THSD7A: variants seen among roughly 807,000 people sequenced by gnomAD.
The protein encoded by THSD7A is thrombospondin type-1 domain-containing protein 7A.
THSD7A carries 96 observed loss-of-function variants against 231.3 expected under a neutral mutation model. The ratio of observed to expected loss-of-function variants is 0.41; its 90% confidence interval spans 0.35 to 0.49. The LOEUF (loss-of-function observed/expected upper bound fraction) is 0.49. Ranked by LOEUF, THSD7A falls within the 20% of genes least tolerant of loss-of-function variation. The pLI, the probability that THSD7A is intolerant of heterozygous loss-of-function variation, is 0.05. For synonymous variants in THSD7A, 940 were observed against 743.3 expected (o/e 1.26, Z -4.30); for missense variants, 2,290 against 2,070.2 (o/e 1.11, Z -2.06).
In THSD7A at chr7:11,446,280, G is replaced by T; in HGVS notation, c.2845C>A (p.Pro949Thr). 2 of 1,612,564 alleles carry T rather than the reference G, an allele frequency of 1.2e-6. No homozygotes were observed. Among genetic ancestry groups the T allele is most frequent in the Non-Finnish European group, 1.7e-6 (2 of 1,179,146 alleles). ...GGACAATACTGAGTCTCAATCAGGG[G>T]ATACAAATGGGAATTTTTACATTTT... The part of the protein sequence containing the change: ...KEKCKNSHLY[P>T]LIETQYCPCD... Residue 949 changes from proline (P) to threonine (T), a missense_variant, in exon 13 of 28, where the codon CCC becomes ACC. Transcript: ENST00000423059. This position sits in a 1 kb window ranked among gnomAD's most constrained non-coding sequence, Gnocchi z 4.0.
chr7:11,686,805 G>A (rs1780072317), intron 1 of THSD7A, among the ~76,000 whole-genome samples: 1 of 151,740 alleles, frequency 6.6e-6, no homozygotes, highest in African/African-American at 2.4e-5. Context: ...CATAAAGATG[G>A]CAACAATAAA....
intron 1 of THSD7A, chr7:11,821,298 T>C: frequency 1.1e-6 from 1 of 878,946 alleles, no homozygotes; most frequent in Non-Finnish European, 1.9e-6. Context: ...GAAACTCCTA[T>C]TGGAAACCAA....
intron 13 of THSD7A, among the ~76,000 whole-genome samples, chr7:11,436,709 A>G (rs1291438885): frequency 6.6e-6 from 1 of 151,688 alleles, no homozygotes; most frequent in East Asian, 1.9e-4. Context: ...ATTTCCAGAT[A>G]TAGAAGAAAA....
chr7:11,595,113 T>C (rs1185478287), intron 2 of THSD7A, among the ~76,000 whole-genome samples: 2 of 152,134 alleles, frequency 1.3e-5, no homozygotes, highest in African/African-American at 2.4e-5. Context: ...GAGGCAACAG[T>C]GATGGCCTCC....
At chr7:11,766,887 A>T (rs1474309460) in intron 1 of THSD7A, among the ~76,000 whole-genome samples, 1 of 152,216 alleles carries the variant, frequency 6.6e-6, no homozygotes, top group Non-Finnish European at 1.5e-5. Flanking sequence ...GGGAAATTTG[A>T]AAATGGGGGA....
intron 2 of THSD7A, among the ~76,000 whole-genome samples, chr7:11,599,404 A>G (rs1404461599): frequency 6.6e-6 from 1 of 152,238 alleles, no homozygotes; most frequent in Non-Finnish European, 1.5e-5. Flanking sequence ...GGCCAGCTGC[A>G]GAAAAGAAGA....
chr7:11,792,609 G>C (rs1307965883), intron 1 of THSD7A, among the ~76,000 whole-genome samples: 5 of 151,922 alleles, frequency 3.3e-5, no homozygotes, highest in African/African-American at 4.8e-5. Flanking sequence ...TGAATGTAAT[G>C]TCTTCTAACT....
rs934335396 is a variant in THSD7A, at chr7:11,672,466, A to C, written c.191-35505T>G. On this transcript the variant is annotated intron_variant, in intron 1 of 27. Transcript: ENST00000423059. ...TTATGTTCTATCATACACTAATATAAAGATGTTAATCTTATAATTATTACT... is the reference window on the plus strand; with the variant it reads ...TTATGTTCTATCATACACTAATATACAGATGTTAATCTTATAATTATTACT... Among the ~76,000 whole-genome samples the C allele has an allele frequency of 2.6e-5, 4 of 152,164 alleles. No homozygotes were observed. The East Asian group carries it at 7.7e-4, about 29-fold the overall frequency.
At chr7:11,704,020 T>C (rs1780685737) in intron 1 of THSD7A, among the ~76,000 whole-genome samples, 1 of 151,216 alleles carries the variant, frequency 6.6e-6, no homozygotes, top group Non-Finnish European at 1.5e-5. Flanking sequence ...ACTTAATTAG[T>C]GGTATCTTTG....
intron 1 of THSD7A, among the ~76,000 whole-genome samples, chr7:11,638,027 G>C (rs192163131): frequency 3.9e-4 from 60 of 152,266 alleles, no homozygotes; most frequent in African/African-American, 1.4e-3. Context: ...TCTGTTGTGT[G>C]GGAAGGTGAG....
chr7:11,802,046 C>A (rs1273250087), intron 1 of THSD7A, among the ~76,000 whole-genome samples: 1 of 152,098 alleles, frequency 6.6e-6, no homozygotes, highest in Non-Finnish European at 1.5e-5. Context: ...TAGGATGTAA[C>A]AATTTCTAAC....
intron 1 of THSD7A, among the ~76,000 whole-genome samples, chr7:11,677,096 G>A: frequency 6.6e-6 from 1 of 152,020 alleles, no homozygotes; most frequent in African/African-American, 2.4e-5. Context: ...AGCTAGAAGA[G>A]AGTGGAGGCT....
At position 11,372,045 on chromosome 7, in the gene THSD7A, A is replaced by T. The variant is rs1286542407; in HGVS notation, c.*3749T>A. The T allele has an allele frequency of 1.3e-5, 2 of 151,982 alleles. No individual in the cohort carries two copies. The highest frequency in any genetic ancestry group is 3.9e-4 in the East Asian group (2 of 5,148). 9.4% of individuals were successfully genotyped at this position (151,982 alleles called of 1,614,324 possible). On this transcript the variant is annotated 3_prime_UTR_variant, in exon 28 of 28. Coordinates refer to ENST00000423059, the MANE Select transcript of THSD7A (RefSeq NM_015204.3). The stretch of plus-strand genomic sequence containing the variant: ...AATAAGTGTGTGAGAGGTCTATTCA[A>T]TTTCTGTGAGAAGGAAGACGTGAAT...
chr7:11,593,863 T>C (rs1780262464), intron 2 of THSD7A, among the ~76,000 whole-genome samples: 1 of 152,218 alleles, frequency 6.6e-6, no homozygotes, highest in Non-Finnish European at 1.5e-5. Flanking sequence ...ATTTCCATTC[T>C]GTTTAGGGAA....
rs1380103324 is a variant in THSD7A, at chr7:11,832,152, G to A, written c.-206C>T. The A allele has an allele frequency of 8.8e-6, 3 of 340,204 alleles. No individual in the cohort carries two copies. Among genetic ancestry groups the A allele is most frequent in the Admixed American group, 9.8e-5 (2 of 20,462 alleles). 21.1% of individuals were successfully genotyped at this position (340,204 alleles called of 1,614,324 possible). The stretch of plus-strand genomic sequence containing the variant: ...GGCCGTGGCCGCTGCCGCCGCCGCC[G>A]CCGCCTCTGGCGGGGATGCTGCTGC... On this transcript the variant is annotated 5_prime_UTR_variant, in exon 1 of 28. Transcript: ENST00000423059.
At chr7:11,388,760 G>A (rs1782864888) in intron 23 of THSD7A, among the ~76,000 whole-genome samples, 1 of 152,164 alleles carries the variant, frequency 6.6e-6, no homozygotes, top group Admixed American at 6.6e-5. Flanking sequence ...ATGTTAGAGT[G>A]TAAATTTTAG....
Position 11,407,164 on chromosome 7 carries a change from C to A in THSD7A, c.3917-109G>T, listed in dbSNP as rs559552002. ...GATATCTCCTGAGGCAATCCAGGAACAAGTAAGGCTTAGATGTTTTGCAAA... is the reference window on the plus strand; with the variant it reads ...GATATCTCCTGAGGCAATCCAGGAAAAAGTAAGGCTTAGATGTTTTGCAAA... On this transcript the variant is annotated intron_variant, in intron 20 of 27. Transcript: ENST00000423059. 3.4e-6 allele frequency: 5 copies of A among 1,484,598 alleles called. No homozygotes were observed. In the South Asian group the frequency reaches 6.1e-5, roughly 18 times the overall value. The allele number at this position is 1,484,598 out of a possible 1,614,324, so 92.0% of individuals were successfully genotyped here.
chr7:11,636,772 C>T lies in THSD7A; in HGVS notation c.380G>A (p.Gly127Glu), dbSNP rs763303239. ...WHKELYDWRL[G>E]PWNQCQPVIS... is the part of the protein sequence containing the mutation. ...CACGGGCTGACACTGATTCCAAGGTCCCAGTCTCCAGTCGTACAACTCTTT... is the reference window on the plus strand; with the variant it reads ...CACGGGCTGACACTGATTCCAAGGTTCCAGTCTCCAGTCGTACAACTCTTT... The change falls in exon 2 of 28, where the codon GGA becomes GAA. Residue 127 changes from glycine to glutamate, a missense_variant. Gly to Glu is a moderately conservative substitution (Grantham distance 98). Transcript: ENST00000423059. This position sits in a 1 kb window ranked among gnomAD's most constrained non-coding sequence, Gnocchi z 10.0. 5.0e-6 allele frequency: 8 copies of T among 1,613,860 alleles called. No homozygotes were observed. In the Admixed American group the frequency reaches 1.0e-4, roughly 20 times the overall value.
intron 9 of THSD7A, among the ~76,000 whole-genome samples, chr7:11,464,224 G>A (rs12055997): frequency 0.096 from 14,582 of 152,040 alleles, 813 homozygotes; most frequent in African/African-American, 0.14. Context: ...GGGGAAGCAG[G>A]GAGGTTTCTG....
Sources: gnomAD v4.1 joint callset for allele counts (sites outside exome capture counted in the v4.1 genomes callset) on GRCh38, gnomAD v4.1.1 for gene constraint, Gnocchi (gnomAD v3.1) non-coding constraint, MANE v1.5 for transcripts, NCBI Gene and HGNC (gene_info 2026-07-23, HGNC 2026-07-21) for gene names.